SAMMSON: variants seen among roughly 807,000 people sequenced by gnomAD.
SAMMSON encodes the protein survival associated mitochondrial melanoma specific oncogenic non-coding RNA.
intron 7 of SAMMSON, among the ~76,000 whole-genome samples, chr3:70,353,894 C>T (rs899311868): frequency 6.6e-5 from 10 of 152,094 alleles, no homozygotes; most frequent in African/African-American, 1.4e-4. Context: ...AACAATAAAA[C>T]GTAACAATCT....
chr3:70,139,608 A>G (rs1051718976), intron 4 of SAMMSON, among the ~76,000 whole-genome samples: 3 of 152,194 alleles, frequency 2.0e-5, no homozygotes, highest in Admixed American at 6.5e-5. Context: ...CATGGGACTC[A>G]TACCTGGAGT....
chr3:70,331,925 A>T (rs1029847644), intron 7 of SAMMSON, among the ~76,000 whole-genome samples: 5 of 152,234 alleles, frequency 3.3e-5, no homozygotes, highest in Non-Finnish European at 7.3e-5. Context: ...GAGATTTGGT[A>T]CAGTAACTTC....
intron 3 of SAMMSON, among the ~76,000 whole-genome samples, chr3:70,026,111 A>G (rs958096035): frequency 1.3e-5 from 2 of 152,234 alleles, no homozygotes; most frequent in Non-Finnish European, 2.9e-5. Flanking sequence ...GTTTAATGAC[A>G]CAGTGAGGTG....
intron 1 of SAMMSON, among the ~76,000 whole-genome samples, chr3:70,005,605 G>A (rs1261206921): frequency 2.6e-5 from 4 of 152,126 alleles, no homozygotes; most frequent in Non-Finnish European, 5.9e-5. Context: ...AGCCAAAGCA[G>A]GTCACAGGCA....
chr3:70,351,813 C>T (rs1016778941), intron 7 of SAMMSON, among the ~76,000 whole-genome samples: 2 of 152,104 alleles, frequency 1.3e-5, no homozygotes, highest in Non-Finnish European at 2.9e-5. Flanking sequence ...TCTAGTCAAA[C>T]AGCATGGACA....
intron 6 of SAMMSON, among the ~76,000 whole-genome samples, chr3:70,280,893 G>C (rs1702076166): frequency 6.6e-6 from 1 of 152,122 alleles, no homozygotes; most frequent in Non-Finnish European, 1.5e-5. Context: ...AATCTAAACA[G>C]ATAGGACTTG....
intron 3 of SAMMSON, chr3:70,015,363 A>G (rs973917039): frequency 1.3e-5 from 2 of 151,464 alleles, no homozygotes; most frequent in African/African-American, 4.8e-5. Context: ...ATGCTCTCTG[A>G]TTTTAAAAAA....
chr3:70,403,652 C>T lies in SAMMSON; in HGVS notation n.233+45328C>T, dbSNP rs191798440. 9.9e-4 allele frequency among the ~76,000 whole-genome samples: 151 copies of T among 152,284 alleles called. No individual in the cohort carries two copies. The South Asian group carries it at 0.022, about 22-fold the overall frequency. On this transcript the variant is annotated intron_variant and non_coding_transcript_variant, in intron 2 of 3. Coordinates refer to the SAMMSON transcript ENST00000641053. The stretch of plus-strand genomic sequence containing the variant: ...GACAGAGTTGAGTGATTGTGAGAGA[C>T]TCTCTAGGCCACAAAGTCTAAAATA...
chr3:70,097,606 G>A (rs2067327317), intron 4 of SAMMSON, among the ~76,000 whole-genome samples: 1 of 152,160 alleles, frequency 6.6e-6, no homozygotes, highest in Non-Finnish European at 1.5e-5. Flanking sequence ...TCACTTATTC[G>A]AAAGGGCTCA....
intron 4 of SAMMSON, among the ~76,000 whole-genome samples, chr3:70,102,875 C>T (rs904018252): frequency 2.0e-5 from 3 of 152,140 alleles, no homozygotes; most frequent in Non-Finnish European, 2.9e-5. Flanking sequence ...CAGCCTTATT[C>T]CCCTTTCCCT....
At chr3:70,359,836 A>C (rs1448951496) in intron 9 of SAMMSON, among the ~76,000 whole-genome samples, 1 of 152,126 alleles carries the variant, frequency 6.6e-6, no homozygotes, top group Non-Finnish European at 1.5e-5. Context: ...TTTATAATGT[A>C]CTAGGTTAGC....
At chr3:70,385,869 G>C (rs143398909) in intron 9 of SAMMSON, among the ~76,000 whole-genome samples, 1 of 151,992 alleles carries the variant, frequency 6.6e-6, no homozygotes, top group African/African-American at 2.4e-5. Flanking sequence ...TGTGGATGCT[G>C]GTAAAGATTA....
At chr3:70,007,174 T>G (rs947122616) in intron 1 of SAMMSON, among the ~76,000 whole-genome samples, 26 of 152,142 alleles carry the variant, frequency 1.7e-4, no homozygotes, top group Non-Finnish European at 3.1e-4. Flanking sequence ...GTAATGGGAT[T>G]GCTGGGTCAA....
intron 4 of SAMMSON, among the ~76,000 whole-genome samples, chr3:70,116,693 A>G (rs2067413158): frequency 6.6e-6 from 1 of 152,170 alleles, no homozygotes; most frequent in African/African-American, 2.4e-5. Context: ...AAAGTATATT[A>G]AAAAGTAGAA....
intron 4 of SAMMSON, among the ~76,000 whole-genome samples, chr3:70,093,511 T>G (rs2067312874): frequency 1.3e-5 from 2 of 152,222 alleles, no homozygotes; most frequent in South Asian, 4.1e-4. Context: ...GTTAGACCTC[T>G]GCCACAACCG....
rs543858455 is a variant in SAMMSON at position 70,289,425 on chromosome 3, A to G, written n.675-1754A>G. 2.2e-4 allele frequency among the ~76,000 whole-genome samples: 33 copies of G among 149,454 alleles called. 2 individuals are homozygous for G. In the South Asian group the frequency reaches 5.9e-3, roughly 27 times the overall value. ...TGGCTTGTAGGGTTTCTGCCGAGAGATCCGCTGTTAGTCTGATGGGCTTCC... is the reference window on the plus strand; with the variant it reads ...TGGCTTGTAGGGTTTCTGCCGAGAGGTCCGCTGTTAGTCTGATGGGCTTCC... On this transcript the variant is annotated intron_variant and non_coding_transcript_variant, in intron 6 of 9. Coordinates refer to ENST00000642114, the Ensembl canonical transcript of SAMMSON.
intron 4 of SAMMSON, among the ~76,000 whole-genome samples, chr3:70,122,579 C>T (rs751501864): frequency 2.6e-5 from 4 of 151,884 alleles, no homozygotes; most frequent in South Asian, 2.1e-4. Flanking sequence ...ACATTATGAA[C>T]GTTTAAAACA....
At chr3:70,342,064 A>G (rs554290914) in intron 7 of SAMMSON, among the ~76,000 whole-genome samples, 1 of 152,302 alleles carries the variant, frequency 6.6e-6, no homozygotes, top group East Asian at 1.9e-4. Flanking sequence ...AAGGAAAATG[A>G]GCACTTTCAC....
chr3:70,031,130 GGAAACAACCT>G (rs1226119833), intron 3 of SAMMSON, among the ~76,000 whole-genome samples: 1 of 152,024 alleles, frequency 6.6e-6, no homozygotes, highest in African/African-American at 2.4e-5. Flanking sequence ...GCCAAAAGGT[GGAAACAACCT>G]GTGTCCATCA....
Sources: allele counts gnomAD v4.1 joint callset (sites outside exome capture counted in the v4.1 genomes callset), GRCh38; gene constraint gnomAD v4.1.1; transcripts MANE v1.5; gene names NCBI Gene and HGNC (gene_info 2026-07-23, HGNC 2026-07-21).